Variants in SSR1 observed in about 807,000 individuals in gnomAD.
SSR1 encodes signal sequence receptor subunit 1.
Under a neutral mutation model 36.1 loss-of-function variants are expected in SSR1, and 13 were observed. The ratio of observed to expected loss-of-function variants is 0.36; its 90% CI spans 0.23 to 0.57. The LOEUF is 0.57. SSR1 is among the 20% of genes least tolerant of loss of function. The pLI is 0.81. For missense variants in SSR1, 291 were observed against 338.5 expected (o/e 0.86, Z 1.10); for synonymous variants, 113 against 118.9 (o/e 0.95, Z 0.32).
chr6:7,300,529 G>C (rs1421215059), intron 4 of SSR1, among the ~76,000 whole-genome samples: 3 of 152,154 alleles, frequency 2.0e-5, no homozygotes, highest in Non-Finnish European at 2.9e-5. Context: ...TTATCTATGA[G>C]TACATAAAAT....
chr6:7,311,814 TAATG>T (rs1355687867), intron 1 of SSR1, among the ~76,000 whole-genome samples: 3 of 152,234 alleles, frequency 2.0e-5, no homozygotes, highest in African/African-American at 7.2e-5. Flanking sequence ...TCAGTTTAGA[TAATG>T]AATTCATGCT....
intron 7 of SSR1, among the ~76,000 whole-genome samples, chr6:7,292,593 C>T (rs201262490): frequency 6.6e-6 from 1 of 151,958 alleles, no homozygotes; most frequent in Admixed American, 6.6e-5. Flanking sequence ...GCTATGTGGC[C>T]GAGGCTGGAT....
intron 7 of SSR1, chr6:7,294,960 G>A: frequency 1.3e-6 from 1 of 785,006 alleles, no homozygotes; most frequent in African/African-American, 1.8e-5. Flanking sequence ...ATACTGGGTA[G>A]TTTTTCTAAT....
At chr6:7,306,640 G>A (rs1204106603) in intron 2 of SSR1, among the ~76,000 whole-genome samples, 1 of 150,146 alleles carries the variant, frequency 6.7e-6, no homozygotes, top group Non-Finnish European at 1.5e-5. Context: ...GACTAGGCCA[G>A]GTGCAGTGGC....
rs140935765 is a variant in SSR1 at position 7,289,644 on chromosome 6, A to G, written c.*220T>C. The G allele has an allele frequency of 1.4e-3, 727 of 538,318 alleles. 5 individuals are homozygous for G. Among genetic ancestry groups the G allele is most frequent in the African/African-American group, 0.011 (564 of 49,718 alleles). 33.3% of individuals were successfully genotyped at this position (538,318 alleles called of 1,614,324 possible). On this transcript the variant is annotated 3_prime_UTR_variant, in exon 8 of 8. Transcript: ENST00000244763. ...CTCACATACATACACACGCACACAC[A>G]TAGATTTTAATGGTTTAAAAAAAAA...
At chr6:7,306,895 C>G (rs191883299) in intron 2 of SSR1, among the ~76,000 whole-genome samples, 1 of 127,132 alleles carries the variant, frequency 7.9e-6, no homozygotes, top group Non-Finnish European at 1.6e-5. Context: ...CCAGCCTGGG[C>G]GACAGAGCGA....
In SSR1 at chr6:7,287,033, T is replaced by C. The variant is rs1418728699; in HGVS notation, c.*2831A>G. Reference sequence around the variant, plus strand: ...TACAGGGTCTAGTCTTGGCAAGAGATGGTATGTGTCACTGAGTTTTAAAAA... The same window carrying C: ...TACAGGGTCTAGTCTTGGCAAGAGACGGTATGTGTCACTGAGTTTTAAAAA... On this transcript the variant is annotated 3_prime_UTR_variant, in exon 8 of 8. Coordinates refer to ENST00000244763, the MANE Select transcript of SSR1 (RefSeq NM_003144.5). The C allele has an allele frequency of 1.3e-5, 2 of 151,964 alleles. No homozygotes were observed. The highest frequency in any genetic ancestry group is 4.8e-5 in the African/African-American group (2 of 41,334). The allele number at this position is 151,964 out of a possible 1,614,324, so 9.4% of individuals were successfully genotyped here. A position where few individuals can be genotyped will look rare whatever the true frequency, so the allele number is the denominator to read the frequency against.
rs938708571 is a variant in SSR1 at position 7,295,501 on chromosome 6, G to A, written c.700-16C>T. 3.2e-6 allele frequency: 5 copies of A among 1,551,560 alleles called. No individual in the cohort carries two copies. The highest frequency in any genetic ancestry group is 1.4e-5 in the African/African-American group (1 of 72,176). On this transcript the variant is annotated splice_polypyrimidine_tract_variant and intron_variant, in intron 6 of 7. Coordinates refer to ENST00000244763, the MANE Select transcript of SSR1 (RefSeq NM_003144.5). ...GTCTCTTACGCTAAAAGAACATAAA[G>A]ACATATTTTAAAGGAGTTCCGTTAC...
chr6:7,297,841 T>C, intron 6 of SSR1, 82 bp downstream of exon 6: 2 of 1,025,300 alleles, frequency 2.0e-6, no homozygotes, highest in Admixed American at 2.0e-5. Flanking sequence ...AGTGACAGTA[T>C]GAGGCCGAAG....
At chr6:7,297,898 G>GT (rs1757838563) in intron 6 of SSR1, 25 bp downstream of exon 6, 1 of 1,591,506 alleles carries the variant, frequency 6.3e-7, no homozygotes, top group Non-Finnish European at 8.6e-7. Context: ...AAACACGGCT[G>GT]TAAGAGGTGT....
chr6:7,284,184 T>C lies in SSR1; in HGVS notation c.*5680A>G, dbSNP rs962276671. The C allele has an allele frequency of 1.3e-5, 2 of 152,142 alleles. No homozygotes were observed. Among genetic ancestry groups the C allele is most frequent in the Admixed American group, 6.5e-5 (1 of 15,274 alleles). The allele number at this position is 152,142 out of a possible 1,614,324, so 9.4% of individuals were successfully genotyped here. A position where few individuals can be genotyped will look rare whatever the true frequency, so the allele number is the denominator to read the frequency against. On this transcript the variant is annotated 3_prime_UTR_variant, in exon 8 of 8. Transcript: ENST00000244763. ...TGGTTCAGTCTGATGCTGAAATAAA[T>C]TGCAAGATGATTTTCAAAAATAACA...
intron 2 of SSR1, 85 bp from the exon 3 acceptor site, chr6:7,303,722 G>T: frequency 9.6e-7 from 1 of 1,036,906 alleles, no homozygotes; most frequent in Non-Finnish European, 1.4e-6. Context: ...CGGGCACGGT[G>T]GCTCACACTT....
chr6:7,312,548 G>A (rs969825959), intron 1 of SSR1, among the ~76,000 whole-genome samples: 36 of 152,172 alleles, frequency 2.4e-4, no homozygotes, highest in African/African-American at 8.4e-4. Context: ...TAGATGTGTA[G>A]AAAACAAGGG....
rs949960130 is a variant in SSR1 at position 7,298,961 on chromosome 6, T to C, written c.544-138A>G. The C allele has an allele frequency of 2.6e-5, 17 of 646,828 alleles. No homozygotes were observed. The African/African-American group carries it at 2.9e-4, about 11-fold the overall frequency. 40.1% of individuals were successfully genotyped at this position (646,828 alleles called of 1,614,324 possible). ...TTAGAAGACTCAACAAATTCATATG[T>C]AACTGCAATATTCTGTGGCAGGGAC... On this transcript the variant is annotated intron_variant, in intron 4 of 7. Transcript: ENST00000244763.
chr6:7,298,108 G>A, intron 5 of SSR1, 107 bp from the exon 6 acceptor site: 1 of 801,918 alleles, frequency 1.2e-6, no homozygotes, highest in Non-Finnish European at 1.9e-6. Flanking sequence ...AATAACTTGT[G>A]GCGAAAAGGA....
In SSR1 at chr6:7,303,532, C is replaced by T. The variant is rs554351153; in HGVS notation, c.280+18G>A. 7 of 1,565,566 alleles carry T rather than the reference C, an allele frequency of 4.5e-6. No homozygotes were observed. The East Asian group carries it at 1.6e-4, about 35-fold the overall frequency. On this transcript the variant is annotated intron_variant, in intron 3 of 7. Coordinates refer to ENST00000244763, the MANE Select transcript of SSR1 (RefSeq NM_003144.5). ...TAAAATGCCTACATCTGAATTAAAA[C>T]TAATACTTCTGTATTACCTTCTCCT...
intron 2 of SSR1, among the ~76,000 whole-genome samples, chr6:7,306,114 T>C (rs1199831516): frequency 2.0e-5 from 3 of 152,206 alleles, no homozygotes; most frequent in Admixed American, 6.5e-5. Flanking sequence ...CATTTGAATA[T>C]ATCATCTATT....
chr6:7,295,067 TA>T (rs35998405), intron 7 of SSR1: 358,553 of 1,503,988 alleles, frequency 0.24, 44,041 homozygotes, highest in South Asian at 0.32. Flanking sequence ...CAAAAACCAT[TA>T]AAAAAATTAA....
chr6:7,309,694 C>T (rs1301084241), intron 2 of SSR1, among the ~76,000 whole-genome samples: 1 of 152,192 alleles, frequency 6.6e-6, no homozygotes, highest in African/African-American at 2.4e-5. Context: ...CTTTGCTCTG[C>T]ACTTCTCCTT....
Sources: allele counts gnomAD v4.1 joint callset (sites outside exome capture counted in the v4.1 genomes callset), GRCh38; gene constraint gnomAD v4.1.1; transcripts MANE v1.5; gene names NCBI Gene and HGNC (gene_info 2026-07-23, HGNC 2026-07-21).